PDE4D: variants seen among roughly 807,000 people sequenced by gnomAD.
PDE4D encodes the protein 3',5'-cyclic-AMP phosphodiesterase 4D.
In PDE4D, 24 loss-of-function variants were observed where a neutral mutation model predicts 87.4. The observed-to-expected ratio is 0.27, with a 90% confidence interval of 0.20 to 0.39. The LOEUF is 0.39. Among genes scored for constraint, PDE4D ranks in the 10% least tolerant of loss-of-function variants. PDE4D has a pLI of 1.00. For synonymous variants in PDE4D, 384 were observed against 383.2 expected, an observed-to-expected ratio of 1.00 and a Z score of -0.02; for missense variants, 714 against 1,041.0, an observed-to-expected ratio of 0.69 and a Z score of 4.32.
intron 3 of PDE4D, among the ~76,000 whole-genome samples, chr5:59,977,427 G>A (rs1305761463): frequency 6.6e-6 from 1 of 152,166 alleles, no homozygotes; most frequent in Admixed American, 6.6e-5. Flanking sequence ...AGAGAGTTAA[G>A]GACTGCAGAC....
chr5:59,860,608 C>T (rs1746118314), intron 1 of PDE4D, among the ~76,000 whole-genome samples: 1 of 152,150 alleles, frequency 6.6e-6, no homozygotes, highest in Non-Finnish European at 1.5e-5. Flanking sequence ...TAAAAGACCA[C>T]ATTCTAATAA....
chr5:59,717,098 G>C (rs777676814), intron 1 of PDE4D, among the ~76,000 whole-genome samples: 3 of 152,126 alleles, frequency 2.0e-5, no homozygotes, highest in Non-Finnish European at 2.9e-5. Flanking sequence ...AGGCAAAACT[G>C]ATGCGAATTC....
At chr5:59,541,334 TAG>T (rs1287113301) in intron 1 of PDE4D, among the ~76,000 whole-genome samples, 1 of 152,198 alleles carries the variant, frequency 6.6e-6, no homozygotes, top group Non-Finnish European at 1.5e-5. Flanking sequence ...GTTATCAAAA[TAG>T]ATTGTTTTTA....
At chr5:60,378,143 T>C (rs1761569364) in intron 1 of PDE4D, among the ~76,000 whole-genome samples, 1 of 152,216 alleles carries the variant, frequency 6.6e-6, no homozygotes, top group Non-Finnish European at 1.5e-5. Context: ...TCTGTTATGG[T>C]AATGATAGTA....
At chr5:60,005,424 T>C (rs1764380747) in intron 2 of PDE4D, among the ~76,000 whole-genome samples, 1 of 151,984 alleles carries the variant, frequency 6.6e-6, no homozygotes, top group Non-Finnish European at 1.5e-5. Context: ...TGTTTAAGTT[T>C]GCTAAGAGAG....
At chr5:59,234,999 T>C (rs907493220) in intron 1 of PDE4D, among the ~76,000 whole-genome samples, 5 of 152,164 alleles carry the variant, frequency 3.3e-5, no homozygotes, top group African/African-American at 1.2e-4. Flanking sequence ...ACTCTTTTTC[T>C]TTTTTTATAG....
At chr5:60,022,688 C>A (rs578192592) in intron 2 of PDE4D, 39 of 152,324 alleles carry the variant, frequency 2.6e-4, no homozygotes, top group African/African-American at 8.4e-4. Context: ...AAACATATTC[C>A]TTTGCCGATG....
At chr5:59,734,120 C>T (rs142351339) in intron 1 of PDE4D, among the ~76,000 whole-genome samples, 3 of 152,174 alleles carry the variant, frequency 2.0e-5, no homozygotes, top group African/African-American at 7.2e-5. Flanking sequence ...CCTCAGATTA[C>T]ACGCACACCC....
At chr5:59,148,280 G>T (rs1450270378) in intron 5 of PDE4D, among the ~76,000 whole-genome samples, 1 of 152,152 alleles carries the variant, frequency 6.6e-6, no homozygotes, top group African/African-American at 2.4e-5. Flanking sequence ...AAATTATATT[G>T]CAAAAGTGGG....
intron 1 of PDE4D, among the ~76,000 whole-genome samples, chr5:59,387,491 A>G (rs935722192): frequency 6.6e-6 from 1 of 152,132 alleles, no homozygotes; most frequent in Non-Finnish European, 1.5e-5. Flanking sequence ...ATGAAGGGAC[A>G]TGATTTCTCA....
intron 3 of PDE4D, among the ~76,000 whole-genome samples, chr5:59,902,167 C>A (rs1232960362): frequency 6.6e-6 from 1 of 152,048 alleles, no homozygotes; most frequent in Non-Finnish European, 1.5e-5. Context: ...CAGAAGACAA[C>A]AAACAGAATG....
chr5:59,181,898 G>A (rs1182681261), intron 4 of PDE4D, among the ~76,000 whole-genome samples: 1 of 152,068 alleles, frequency 6.6e-6, no homozygotes, highest in African/African-American at 2.4e-5. Flanking sequence ...ATGTGCCAAT[G>A]GCATCAATCT....
chr5:60,054,813 C>T (rs780527999), intron 2 of PDE4D, among the ~76,000 whole-genome samples: 43 of 151,978 alleles, frequency 2.8e-4, no homozygotes, highest in Non-Finnish European at 5.9e-4. Context: ...TTTCTACCTG[C>T]AGAAAACAAA....
intron 5 of PDE4D, chr5:59,039,372 C>G: frequency 9.8e-7 from 1 of 1,024,110 alleles, no homozygotes; most frequent in Non-Finnish European, 1.2e-6. Context: ...GTGCCCGCCC[C>G]GCAGAGGAGC....
intron 1 of PDE4D, among the ~76,000 whole-genome samples, chr5:59,790,921 G>A (rs531914529): frequency 4.3e-4 from 66 of 152,176 alleles, no homozygotes; most frequent in South Asian, 8.3e-4. Context: ...CTCAGCGTGG[G>A]TTCTTCTGAG....
At chr5:60,295,026 T>C (rs1367517580) in intron 1 of PDE4D, among the ~76,000 whole-genome samples, 1 of 152,164 alleles carries the variant, frequency 6.6e-6, no homozygotes, top group Non-Finnish European at 1.5e-5. Flanking sequence ...ATTGAAGTCT[T>C]CTTAAATTTA....
At chr5:59,847,028 A>G (rs1162807206) in intron 1 of PDE4D, among the ~76,000 whole-genome samples, 1 of 151,998 alleles carries the variant, frequency 6.6e-6, no homozygotes, top group African/African-American at 2.4e-5. Context: ...GGCAGAGCCT[A>G]TTTCGTTGAC....
intron 1 of PDE4D, among the ~76,000 whole-genome samples, chr5:59,516,313 T>TC (rs1328678710): frequency 6.6e-6 from 1 of 152,184 alleles, no homozygotes; most frequent in Non-Finnish European, 1.5e-5. Flanking sequence ...GGATTTTTTT[T>TC]CCCTCTTTCT....
chr5:59,440,290 C>T (rs1797407897), intron 1 of PDE4D, among the ~76,000 whole-genome samples: 1 of 152,124 alleles, frequency 6.6e-6, no homozygotes, highest in African/African-American at 2.4e-5. Context: ...AAATTAGTTA[C>T]AAGTAGCCTA....
Sources: gnomAD v4.1 joint callset for allele counts (sites outside exome capture counted in the v4.1 genomes callset) on GRCh38, gnomAD v4.1.1 for gene constraint, MANE v1.5 for transcripts, NCBI Gene and HGNC (gene_info 2026-07-23, HGNC 2026-07-21) for gene names.